The following NEGR1 variants were observed in gnomAD, a reference collection of about 807,000 sequenced individuals.
The protein encoded by NEGR1 is IgLON family member 4.
In NEGR1, 10 loss-of-function variants were observed where a neutral mutation model predicts 40.9. The observed-to-expected ratio is 0.24, with a 90% CI of 0.15 to 0.42. The LOEUF (loss-of-function observed/expected upper bound fraction) is 0.42, where lower values mean the gene tolerates loss of function less well. Among genes scored for constraint, NEGR1 ranks in the 10% least tolerant of loss-of-function variants. NEGR1 has a pLI of 1.00. For missense variants in NEGR1, 352 were observed against 438.9 expected, an observed-to-expected ratio of 0.80 and a Z score of 1.77; for synonymous variants, 185 against 166.8, an observed-to-expected ratio of 1.11 and a Z score of -0.84.
intron 1 of NEGR1, among the ~76,000 whole-genome samples, chr1:72,167,834 C>T (rs756434681): frequency 4.5e-4 from 69 of 151,850 alleles, no homozygotes; most frequent in Non-Finnish European, 8.1e-4. Context: ...TTGGATCAAT[C>T]GCTTTCTTCA....
At chr1:71,868,471 AATACATAC>A (rs56859630) in intron 2 of NEGR1, among the ~76,000 whole-genome samples, 35,363 of 147,872 alleles carry the variant, frequency 0.24, 4,585 homozygotes, top group East Asian at 0.5. Context: ...AGATAGACAG[AATACATAC>A]ATACATACAT....
intron 2 of NEGR1, among the ~76,000 whole-genome samples, chr1:71,883,377 G>T (rs1660632175): frequency 6.6e-6 from 1 of 151,908 alleles, no homozygotes; most frequent in Non-Finnish European, 1.5e-5. Context: ...ATGCTATCAT[G>T]TTGGCTAATT....
At chr1:71,597,386 T>C (rs1341852463) in intron 5 of NEGR1, among the ~76,000 whole-genome samples, 2 of 150,328 alleles carry the variant, frequency 1.3e-5, no homozygotes, top group Non-Finnish European at 3.0e-5. Context: ...CATCCTATAA[T>C]GCCTTTCTCA....
chr1:72,011,912 T>C (rs950819214), intron 1 of NEGR1, among the ~76,000 whole-genome samples: 19 of 152,056 alleles, frequency 1.2e-4, no homozygotes, highest in African/African-American at 4.6e-4. Flanking sequence ...ATGAAGTACA[T>C]GGAAGCTTTG....
At chr1:71,818,499 AAG>A (rs1658309594) in intron 2 of NEGR1, among the ~76,000 whole-genome samples, 1 of 151,928 alleles carries the variant, frequency 6.6e-6, no homozygotes, top group African/African-American at 2.4e-5. Flanking sequence ...CATAGACAGA[AAG>A]AGGGGAACAA....
chr1:72,064,427 T>C (rs148399582), intron 1 of NEGR1, among the ~76,000 whole-genome samples: 27 of 152,168 alleles, frequency 1.8e-4, no homozygotes, highest in Non-Finnish European at 3.8e-4. Context: ...ACAAGATAAA[T>C]TCTGACTGAA....
chr1:71,873,427 G>A (rs1020618529), intron 2 of NEGR1, among the ~76,000 whole-genome samples: 2 of 152,028 alleles, frequency 1.3e-5, no homozygotes, highest in Admixed American at 6.6e-5. Flanking sequence ...AAAAATATTA[G>A]GTTAAGTTCC....
intron 2 of NEGR1, among the ~76,000 whole-genome samples, chr1:71,930,253 T>C (rs1373360610): frequency 6.6e-6 from 1 of 152,168 alleles, no homozygotes; most frequent in African/African-American, 2.4e-5. Flanking sequence ...ATGTTCCTTA[T>C]ACCTCACCGT....
At chr1:71,996,325 G>T (rs1254030813) in intron 1 of NEGR1, among the ~76,000 whole-genome samples, 2 of 152,016 alleles carry the variant, frequency 1.3e-5, no homozygotes, top group African/African-American at 4.8e-5. Context: ...TATTTTCATT[G>T]AGACAAGTTA....
At chr1:72,096,938 TC>T (rs1287909647) in intron 1 of NEGR1, among the ~76,000 whole-genome samples, 1 of 152,168 alleles carries the variant, frequency 6.6e-6, no homozygotes. Context: ...TGCCTCGGCC[TC>T]CCAAAGTGCT....
chr1:72,094,079 A>G (rs1338150192), intron 1 of NEGR1, among the ~76,000 whole-genome samples: 2 of 152,186 alleles, frequency 1.3e-5, no homozygotes, highest in Non-Finnish European at 2.9e-5. Flanking sequence ...TTCTTACTGA[A>G]GTAAAAGATC....
intron 2 of NEGR1, chr1:71,798,414 G>A (rs1376797876): frequency 6.6e-6 from 1 of 152,054 alleles, no homozygotes; most frequent in Non-Finnish European, 1.5e-5. Flanking sequence ...AGATGACAAA[G>A]CTAAGACATT....
chr1:71,943,018 G>GTA (rs1217402947), intron 1 of NEGR1, among the ~76,000 whole-genome samples: 3 of 130,186 alleles, frequency 2.3e-5, no homozygotes, highest in East Asian at 2.1e-4. Context: ...ATATATATGT[G>GTA]TATATATATA....
At chr1:72,269,985 T>C (rs533551924) in intron 1 of NEGR1, among the ~76,000 whole-genome samples, 2 of 151,878 alleles carry the variant, frequency 1.3e-5, no homozygotes, top group Admixed American at 6.6e-5. Context: ...GCCGAGTAAA[T>C]GCGTAATAAA....
At chr1:71,983,984 A>AGTG (rs1646375223) in intron 1 of NEGR1, among the ~76,000 whole-genome samples, 1 of 117,798 alleles carries the variant, frequency 8.5e-6, no homozygotes, top group East Asian at 5.8e-4. Flanking sequence ...GAGTCTCAAA[A>AGTG]CTTTCATTAA....
rs201810460 is a variant in NEGR1, at chr1:72,009,130, T to C, written c.177-73819A>G. On this transcript the variant is annotated intron_variant, in intron 1 of 6. Transcript: ENST00000357731. ...TACCATTACAGAATGGTAATATGGA[T>C]GAAATAATATATTTGTCAAAATATT... is the stretch of plus-strand genomic sequence containing the variant. 1.6e-4 allele frequency among the ~76,000 whole-genome samples: 24 copies of C among 152,190 alleles called. 1 individual carries two copies. The East Asian group carries it at 4.6e-3, about 29-fold the overall frequency.
intron 3 of NEGR1, chr1:71,703,087 A>C (rs1007397343): frequency 2.0e-5 from 3 of 152,194 alleles, no homozygotes; most frequent in East Asian, 1.9e-4. Context: ...GAAAAAAAAA[A>C]CAAACAAACA....
intron 2 of NEGR1, among the ~76,000 whole-genome samples, chr1:71,906,904 G>A (rs951688148): frequency 6.6e-6 from 1 of 152,084 alleles, no homozygotes; most frequent in Non-Finnish European, 1.5e-5. Flanking sequence ...TAGTCTTGAG[G>A]AAATCAGCTG....
intron 4 of NEGR1, among the ~76,000 whole-genome samples, chr1:71,650,823 C>A (rs991059927): frequency 1.3e-5 from 2 of 152,118 alleles, no homozygotes; most frequent in African/African-American, 4.8e-5. Context: ...ATATGGAGAT[C>A]TTATTTTGCT....
Sources: gnomAD v4.1 joint callset for allele counts (sites outside exome capture counted in the v4.1 genomes callset) on GRCh38, gnomAD v4.1.1 for gene constraint, MANE v1.5 for transcripts, NCBI Gene and HGNC (gene_info 2026-07-23, HGNC 2026-07-21) for gene names.